The following SLC12A9 variants were observed in gnomAD, a reference collection of about 807,000 sequenced individuals.
SLC12A9 encodes solute carrier family 12 member 9.
In SLC12A9, 55 loss-of-function variants were observed where a neutral mutation model predicts 66.0. The ratio of observed to expected loss-of-function variants is 0.83; its 90% CI spans 0.67 to 1.04. The LOEUF (loss-of-function observed/expected upper bound fraction) is 1.04. Ranked by LOEUF, SLC12A9 falls within the 50% of genes least tolerant of loss-of-function variation. The probability of loss-of-function intolerance (pLI) is 0.00; values close to 1 mark genes in which losing one functional copy is unlikely to be tolerated. For synonymous variants in SLC12A9, 577 were observed against 569.0 expected (o/e 1.01, Z -0.20); for missense variants, 1,061 against 1,241.9 (o/e 0.85, Z 2.19).
intron 1 of SLC12A9, among the ~76,000 whole-genome samples, chr7:100,834,610 C>T (rs149171801): frequency 9.0e-4 from 137 of 152,062 alleles, no homozygotes; most frequent in African/African-American, 3.0e-3. Context: ...GGGTTGGGTG[C>T]GGTGGCTCAC....
Position 100,866,488 on chromosome 7 carries a change from G to A in SLC12A9, c.2628G>A (p.Pro876=), listed in dbSNP as rs140155761. 7.1e-5 allele frequency: 110 copies of A among 1,554,244 alleles called. No homozygotes were observed. Among genetic ancestry groups the A allele is most frequent in the African/African-American group, 2.2e-4 (16 of 73,530 alleles). ...TCACCTTCCTGTACTTGCCTCGGCC[G>A]CCAGCCGATCCCGCCCGATACCCCC... ...TALTFLYLPR[P]PADPARYPRY... The change falls in exon 14 of 14, where the codon CCG becomes CCA. Residue 876 remains proline (P), a synonymous_variant. Transcript: ENST00000354161. This position sits in a 1 kb window ranked among gnomAD's most constrained non-coding sequence, Gnocchi z 7.3.
At chr7:100,857,345 C>A in intron 5 of SLC12A9, 169 bp downstream of exon 5, 1 of 772,140 alleles carries the variant, frequency 1.3e-6, no homozygotes, top group Non-Finnish European at 2.0e-6. Flanking sequence ...GTGTGCTTGG[C>A]CGGCAGGGCA....
chr7:100,865,480 G>T, intron 13 of SLC12A9: 1 of 1,533,126 alleles, frequency 6.5e-7, no homozygotes, highest in Non-Finnish European at 8.7e-7. Flanking sequence ...GGCGAACTTT[G>T]CCTGTTTAAG....
chr7:100,827,010 G>GAGC lies in SLC12A9; in HGVS notation n.196_198dup, dbSNP rs755901683. 35 of 1,581,486 alleles carry GAGC rather than the reference G, an allele frequency of 2.2e-5. No individual in the cohort carries two copies. The African/African-American group carries it at 4.5e-4, about 20-fold the overall frequency. The stretch of plus-strand genomic sequence containing the variant: ...AAGCTGCGGCCAACGAAGCCCAGCA[G>GAGC]AGCAGCACCCGGAGCTCCATGGCGC... On this transcript the variant is annotated non_coding_transcript_exon_variant, in exon 1 of 2. Transcript: ENST00000461016.
intron 5 of SLC12A9, 59 bp downstream of exon 5, chr7:100,857,235 C>T (rs1351636105): frequency 1.0e-5 from 16 of 1,550,656 alleles, no homozygotes; most frequent in African/African-American, 2.7e-5. Flanking sequence ...GACGTCGGGC[C>T]GGGCCCGTAA....
At chr7:100,859,197 A>G in intron 7 of SLC12A9, 36 bp downstream of exon 7, 1 of 1,589,066 alleles carries the variant, frequency 6.3e-7, no homozygotes, top group African/African-American at 1.3e-5. Flanking sequence ...GTGTCGAACA[A>G]GATTGGTGCA....
chr7:100,834,076 G>A (rs779998962), intron 1 of SLC12A9, among the ~76,000 whole-genome samples: 12 of 151,758 alleles, frequency 7.9e-5, no homozygotes, highest in Non-Finnish European at 1.6e-4. Context: ...GTGGCTAAGC[G>A]CACAGCCTAA....
chr7:100,860,161 G>T lies in SLC12A9; in HGVS notation c.1147G>T (p.Ala383Ser). 6.2e-7 allele frequency: 1 copy of T among 1,614,200 alleles called. No homozygotes were observed. ...ARDDLFGVIL[A>S]PAKVVSRGGN... Reference sequence around the variant, plus strand: ...TTCTGTTTTTCTAGGCGTGATCTTGGCACCGGCCAAGGTTGTGTCCCGAGG... The same window carrying T: ...TTCTGTTTTTCTAGGCGTGATCTTGTCACCGGCCAAGGTTGTGTCCCGAGG... Residue 383 changes from alanine to serine, a missense_variant, in exon 9 of 14, where the codon GCA becomes TCA. Ala to Ser is a moderately conservative substitution (Grantham distance 99, BLOSUM62 1). Transcript: ENST00000354161.
upstream of SLC12A9, among the ~76,000 whole-genome samples, chr7:100,852,004 C>T (rs952255150): frequency 2.0e-5 from 3 of 152,080 alleles, no homozygotes; most frequent in East Asian, 1.9e-4. Context: ...CGAGTTTATG[C>T]CCATTTTACA....
chr7:100,852,297 G>A (rs905587839), upstream of SLC12A9, among the ~76,000 whole-genome samples: 3 of 152,224 alleles, frequency 2.0e-5, no homozygotes, highest in Non-Finnish European at 4.4e-5. Context: ...CCCGGTGGAG[G>A]TTCTAGGGTT....
chr7:100,832,953 G>A (rs1813570527), intron 1 of SLC12A9, among the ~76,000 whole-genome samples: 2 of 151,712 alleles, frequency 1.3e-5, no homozygotes, highest in Non-Finnish European at 2.9e-5. Flanking sequence ...TATTTTTAGT[G>A]TTTGTACAGA....
At chr7:100,834,859 C>T (rs373233642) in intron 1 of SLC12A9, among the ~76,000 whole-genome samples, 2 of 152,084 alleles carry the variant, frequency 1.3e-5, no homozygotes, top group South Asian at 4.1e-4. Context: ...CAGAGCAAGA[C>T]CCTGTCTCAA....
intron 1 of SLC12A9, among the ~76,000 whole-genome samples, chr7:100,845,082 A>G (rs1171437330): frequency 6.6e-6 from 1 of 151,826 alleles, no homozygotes; most frequent in Non-Finnish European, 1.5e-5. Context: ...TAGGTCCTAA[A>G]AGCCTCAATC....
intron 13 of SLC12A9, 88 bp from the exon 14 acceptor site, chr7:100,865,631 C>A: frequency 6.4e-7 from 1 of 1,554,768 alleles, no homozygotes; most frequent in African/African-American, 1.4e-5. Context: ...GGCTGACGCA[C>A]CTTGCTGTCA....
chr7:100,839,556 G>A (rs1249833853), intron 1 of SLC12A9, among the ~76,000 whole-genome samples: 1 of 152,196 alleles, frequency 6.6e-6, no homozygotes, highest in Non-Finnish European at 1.5e-5. Flanking sequence ...ACATCCCTGC[G>A]GGCGACTCTA....
chr7:100,845,750 T>TA (rs1325740168), intron 1 of SLC12A9, among the ~76,000 whole-genome samples: 1 of 152,104 alleles, frequency 6.6e-6, no homozygotes, highest in Non-Finnish European at 1.5e-5. Context: ...AGCATAGCCA[T>TA]AGGAAATTCA....
rs761284580 is a variant in SLC12A9 at position 100,854,345 on chromosome 7, T to C, written c.148T>C (p.Ser50Pro). ...FLGVVVPTVL[S>P]MFSIVVFLRI... ...GGGTGTGGTGGTGCCCACTGTCCTG[T>C]CCATGTTCAGCATAGTTGTTTTTCT... The change falls in exon 2 of 14, where the codon TCC becomes CCC. Residue 50 changes from serine (S) to proline (P), a missense_variant. Transcript: ENST00000354161. 6.2e-7 allele frequency: 1 copy of C among 1,613,594 alleles called. No individual in the cohort carries two copies. The highest frequency in any genetic ancestry group is 8.5e-7 in the Non-Finnish European group (1 of 1,179,854).
chr7:100,858,850 A>G lies in SLC12A9; in HGVS notation c.773A>G (p.Asp258Gly). 2 of 1,614,118 alleles carry G rather than the reference A, an allele frequency of 1.2e-6. No individual in the cohort carries two copies. The highest frequency in any genetic ancestry group is 1.7e-6 in the Non-Finnish European group (2 of 1,179,998). ...KDNLGAGYAE[D>G]YTTGAVMNFA... ...ATCCTCCTAGCTGGCTATGCTGAGG[A>G]CTACACCACGGGAGCCGTGATGAAT... The change falls in exon 6 of 14, where the codon GAC (aspartate) becomes GGC (glycine). Residue 258 changes from aspartate to glycine, a missense_variant. Transcript: ENST00000354161.
In SLC12A9 at chr7:100,861,669, C is replaced by A. The variant is rs1274244118; in HGVS notation, c.1537-68C>A. The A allele has an allele frequency of 1.2e-6, 2 of 1,609,508 alleles. No homozygotes were observed. The highest frequency in any genetic ancestry group is 2.7e-5 in the African/African-American group (2 of 74,834). On this transcript the variant is annotated intron_variant, in intron 11 of 13. Transcript: ENST00000354161. This position sits in a 1 kb window ranked among gnomAD's most constrained non-coding sequence, Gnocchi z 5.3. ...TTTGGCTGGAGTTGGTGCTCCCGTCCAGGAGGCGCTGAACGGGGCTGTGCA... is the reference window on the plus strand; with the variant it reads ...TTTGGCTGGAGTTGGTGCTCCCGTCAAGGAGGCGCTGAACGGGGCTGTGCA...
Sources: gnomAD v4.1 joint callset for allele counts (sites outside exome capture counted in the v4.1 genomes callset) on GRCh38, gnomAD v4.1.1 for gene constraint, Gnocchi (gnomAD v3.1) non-coding constraint, MANE v1.5 for transcripts, NCBI Gene and HGNC (gene_info 2026-07-23, HGNC 2026-07-21) for gene names.